Variants in HAUS7 observed in about 807,000 individuals in gnomAD.
HAUS7 encodes HAUS augmin-like complex subunit 7.
A neutral mutation model predicts 28.4 loss-of-function variants in HAUS7; 3 were observed. The observed-to-expected ratio is 0.11, with a 90% CI of 0.05 to 0.27. The LOEUF is 0.27. HAUS7 is among the 10% of genes least tolerant of loss of function. The pLI is 1.00. For synonymous variants in HAUS7, 165 were observed against 132.1 expected, an observed-to-expected ratio of 1.25 and a Z score of -1.71; for missense variants, 284 against 297.3, an observed-to-expected ratio of 0.96 and a Z score of 0.33.
chrX:153,485,819 C>G (rs1439280181), intron 1 of HAUS7: 6 of 901,101 alleles, frequency 6.7e-6, no homozygotes, highest in Non-Finnish European at 5.6e-6. Flanking sequence ...GCACGTGCCC[C>G]GCTTCCTGCC....
At chrX:153,449,585 G>A (rs782584378) in intron 9 of HAUS7, among the ~76,000 whole-genome samples, 12 of 112,858 alleles carry the variant, frequency 1.1e-4, no homozygotes, top group Non-Finnish European at 2.1e-4. Flanking sequence ...CCAAGGCCGG[G>A]TGTGCAGGGC....
At chrX:153,458,807 G>C (rs2089349974) in intron 4 of HAUS7, among the ~76,000 whole-genome samples, 1 of 111,737 alleles carries the variant, frequency 8.9e-6, no homozygotes, top group African/African-American at 3.2e-5. Flanking sequence ...GCTCAGGCTG[G>C]AGTGCAATGG....
rs903255790 is a variant in HAUS7, at chrX:153,483,483, C to T, written c.-589+11891G>A. Reference sequence around the variant, plus strand: ...CCAGAGCTTCGCCCCAATGGGCATTCGGAGGCAGAGAGCAAGGATGGCCCA... The same window carrying T: ...CCAGAGCTTCGCCCCAATGGGCATTTGGAGGCAGAGAGCAAGGATGGCCCA... On this transcript the variant is annotated intron_variant, in intron 1 of 5. Coordinates refer to the HAUS7 transcript ENST00000370210. 25 of 753,000 alleles carry T rather than the reference C, an allele frequency of 3.3e-5. No individual in the cohort carries two copies. The South Asian group carries it at 7.5e-4, about 22-fold the overall frequency. The allele number at this position is 753,000 out of a possible 1,213,427, so 62.1% of individuals were successfully genotyped here.
chrX:153,462,160 A>T, intron 4 of HAUS7: 1 of 1,024,158 alleles, frequency 9.8e-7, no homozygotes, highest in Non-Finnish European at 1.3e-6. Flanking sequence ...AGTGAAAACA[A>T]TTATTTCAAA....
At chrX:153,483,438 A>C in intron 1 of HAUS7, 1 of 755,630 alleles carries the variant, frequency 1.3e-6, no homozygotes, top group Non-Finnish European at 1.6e-6. Flanking sequence ...GCCTGGATTC[A>C]TCTCCCGTGA....
At chrX:153,486,106 C>A in intron 1 of HAUS7, 1 of 928,456 alleles carries the variant, frequency 1.1e-6, no homozygotes, top group South Asian at 2.3e-5. Context: ...GGTAGGGCCC[C>A]CCTCCTCGAC....
chrX:153,472,245 A>G (rs2089530542), upstream of HAUS7, among the ~76,000 whole-genome samples: 1 of 111,951 alleles, frequency 8.9e-6, no homozygotes, highest in Non-Finnish European at 1.9e-5. Context: ...CCCCAACCTC[A>G]GCAGTTCAGT....
intron 1 of HAUS7, chrX:153,486,744 C>T: frequency 1.0e-6 from 1 of 983,210 alleles, no homozygotes; most frequent in Non-Finnish European, 1.3e-6. Context: ...CCACTGCCTT[C>T]TCCTGCACCC....
chrX:153,453,839 T>A (rs1167428582), intron 9 of HAUS7, among the ~76,000 whole-genome samples: 2 of 106,058 alleles, frequency 1.9e-5, no homozygotes, highest in Non-Finnish European at 3.9e-5. Context: ...TTTTTTTTTT[T>A]AAGACAGGGT....
At chrX:153,458,068 C>T in intron 4 of HAUS7, among the ~76,000 whole-genome samples, 1 of 113,642 alleles carries the variant, frequency 8.8e-6, no homozygotes, top group Non-Finnish European at 1.9e-5. Context: ...CTTGGGGAAG[C>T]TGCCAGAGCA....
chrX:153,491,827 C>T (rs1473797262), intron 1 of HAUS7, among the ~76,000 whole-genome samples: 5 of 113,130 alleles, frequency 4.4e-5, no homozygotes, highest in African/African-American at 1.3e-4. Context: ...GCTGAGCTCT[C>T]GGCTCCATCC....
At chrX:153,471,949 C>T (rs1321712412), upstream of HAUS7, among the ~76,000 whole-genome samples, 8 of 112,183 alleles carry the variant, frequency 7.1e-5, no homozygotes, top group African/African-American at 2.3e-4. Context: ...TTTTTTTAAG[C>T]GTTTTTTTCC....
intron 2 of HAUS7, among the ~76,000 whole-genome samples, chrX:153,468,097 G>A (rs991458446): frequency 3.6e-5 from 4 of 112,390 alleles, no homozygotes; most frequent in Non-Finnish European, 7.5e-5. Context: ...GAAGGCAGAG[G>A]CAGGAGACGC....
In HAUS7 at chrX:153,469,042, G is replaced by A. The variant is rs1172379040; in HGVS notation, c.224+104C>T. ...CAGGCTAGGGGGTGGAGCCCTCTGG[G>A]AAGACAGCTACTCACAGTAACCACA... On this transcript the variant is annotated intron_variant, in intron 2 of 9. Coordinates refer to ENST00000370211, the MANE Select transcript of HAUS7 (RefSeq NM_001385482.1). 1.6e-5 allele frequency: 8 copies of A among 512,851 alleles called. No individual in the cohort carries two copies. In the Admixed American group the frequency reaches 1.9e-4, roughly 12 times the overall value. 42.3% of individuals were successfully genotyped at this position (512,851 alleles called of 1,213,427 possible). A position where few individuals can be genotyped will look rare whatever the true frequency, so the allele number is the denominator to read the frequency against.
chrX:153,479,467 C>A, intron 1 of HAUS7: 1 of 618,010 alleles, frequency 1.6e-6, no homozygotes. Flanking sequence ...GGCAGGGCTG[C>A]AAAGGGCCCA....
chrX:153,448,311 G>A (rs1262173027), intron 9 of HAUS7, among the ~76,000 whole-genome samples: 3 of 102,167 alleles, frequency 2.9e-5, no homozygotes, highest in East Asian at 3.2e-4. Flanking sequence ...ACCAAACACC[G>A]CATGTTCTCA....
chrX:153,486,618 C>A, intron 1 of HAUS7: 1 of 982,406 alleles, frequency 1.0e-6, no homozygotes, highest in Non-Finnish European at 1.3e-6. Flanking sequence ...CTGCCCCACC[C>A]CTCCCTTGCA....
At chrX:153,471,815 G>A (rs782676804), upstream of HAUS7, among the ~76,000 whole-genome samples, 16 of 112,185 alleles carry the variant, frequency 1.4e-4, no homozygotes, top group Non-Finnish European at 2.4e-4. Flanking sequence ...CACAGGAAGG[G>A]ACCTCAGCCT....
chrX:153,470,709 G>A (rs2089512810), upstream of HAUS7: 1 of 856,960 alleles, frequency 1.2e-6, no homozygotes, highest in Non-Finnish European at 1.6e-6. Flanking sequence ...CGCCTGCGCG[G>A]GCCCCGGGCT....
Sources: gnomAD v4.1 joint callset for allele counts (sites outside exome capture counted in the v4.1 genomes callset) on GRCh38, gnomAD v4.1.1 for gene constraint, MANE v1.5 for transcripts, NCBI Gene and HGNC (gene_info 2026-07-23, HGNC 2026-07-21) for gene names.